Variants in CAB39 observed in about 807,000 individuals in gnomAD.
CAB39 encodes the protein calcium-binding protein 39.
In CAB39, 8 loss-of-function variants were observed where a neutral mutation model predicts 40.0. The ratio of observed to expected loss-of-function variants is 0.20; its 90% CI spans 0.12 to 0.36. CAB39 has a LOEUF of 0.36. Ranked by LOEUF, CAB39 falls within the 10% of genes least tolerant of loss-of-function variation. The probability of loss-of-function intolerance (pLI) is 1.00; values close to 1 mark genes in which losing one functional copy is unlikely to be tolerated. For missense variants in CAB39, 270 were observed against 401.1 expected (o/e 0.67, Z 2.79); for synonymous variants, 156 against 141.6 (o/e 1.10, Z -0.72).
intron 1 of CAB39, among the ~76,000 whole-genome samples, chr2:230,744,097 T>A (rs1694930886): frequency 6.6e-6 from 1 of 151,902 alleles, no homozygotes; most frequent in South Asian, 2.1e-4. Context: ...TTTTTTAAAT[T>A]TTTAGTAGAA....
chr2:230,738,689 A>G (rs979256248), intron 1 of CAB39, among the ~76,000 whole-genome samples: 1 of 152,232 alleles, frequency 6.6e-6, no homozygotes, highest in Admixed American at 6.5e-5. Flanking sequence ...CAGTTTAAAA[A>G]GAAACCTTCC....
At chr2:230,765,995 A>T (rs1000164277) in intron 2 of CAB39, among the ~76,000 whole-genome samples, 3 of 152,218 alleles carry the variant, frequency 2.0e-5, no homozygotes, top group African/African-American at 7.2e-5. Context: ...CAAATTACTT[A>T]TGCTGAAATA....
At chr2:230,739,685 G>C (rs1009281317) in intron 1 of CAB39, among the ~76,000 whole-genome samples, 3 of 152,136 alleles carry the variant, frequency 2.0e-5, no homozygotes, top group Admixed American at 6.5e-5. Context: ...GTAGAGACGG[G>C]GTTTCTGCAT....
rs1696468610 is a variant in CAB39 at position 230,819,505 on chromosome 2, A to C, written c.*801A>C. The C allele has an allele frequency of 6.6e-6, 1 of 152,666 alleles. No individual in the cohort carries two copies. Among genetic ancestry groups the C allele is most frequent in the Non-Finnish European group, 1.5e-5 (1 of 68,038 alleles). 9.5% of individuals were successfully genotyped at this position (152,666 alleles called of 1,614,324 possible). ...AATTCTTAGAATGCTCATTTCTTTTAAATGGTTTAATTTGTACAGCAGAGG... is the reference window on the plus strand; with the variant it reads ...AATTCTTAGAATGCTCATTTCTTTTCAATGGTTTAATTTGTACAGCAGAGG... On this transcript the variant is annotated 3_prime_UTR_variant, in exon 9 of 9. Transcript: ENST00000258418.
At position 230,819,324 on chromosome 2, in the gene CAB39, G is replaced by T. The variant is rs1374017476; in HGVS notation, c.*620G>T. 3.3e-5 allele frequency: 5 copies of T among 152,628 alleles called. No homozygotes were observed. The highest frequency in any genetic ancestry group is 7.4e-5 in the Non-Finnish European group (5 of 68,026). 9.5% of individuals were successfully genotyped at this position (152,628 alleles called of 1,614,324 possible). A position where few individuals can be genotyped will look rare whatever the true frequency, so the allele number is the denominator to read the frequency against. On this transcript the variant is annotated 3_prime_UTR_variant, in exon 9 of 9. Coordinates refer to ENST00000258418, the MANE Select transcript of CAB39 (RefSeq NM_016289.4). ...TATATATGCTTTTCACAGCTTTCTA[G>T]AATTTTTTGACATTTGATTTTCTTG...
chr2:230,762,592 G>T (rs1443153050), intron 2 of CAB39, among the ~76,000 whole-genome samples: 2 of 152,216 alleles, frequency 1.3e-5, no homozygotes, highest in African/African-American at 2.4e-5. Flanking sequence ...GCCCTCAGTG[G>T]CTATTCCTTA....
intron 2 of CAB39, among the ~76,000 whole-genome samples, chr2:230,781,390 C>G (rs563883075): frequency 8.5e-5 from 13 of 152,216 alleles, no homozygotes; most frequent in Admixed American, 3.3e-4. Context: ...GCTTTGAAGT[C>G]GAATGACATG....
intron 2 of CAB39, among the ~76,000 whole-genome samples, chr2:230,774,983 T>A (rs149138333): frequency 2.6e-3 from 402 of 152,348 alleles, no homozygotes; most frequent in Admixed American, 4.7e-3. Context: ...TTAGATTCCA[T>A]TTCACATCTT....
intron 2 of CAB39, among the ~76,000 whole-genome samples, chr2:230,762,388 C>T (rs557160835): frequency 2.3e-4 from 35 of 152,310 alleles, no homozygotes; most frequent in Admixed American, 2.2e-3. Flanking sequence ...TAGCACATAA[C>T]TTGACCTCCC....
chr2:230,749,705 T>C (rs776873804), intron 1 of CAB39, among the ~76,000 whole-genome samples: 1 of 152,208 alleles, frequency 6.6e-6, no homozygotes, highest in Non-Finnish European at 1.5e-5. Flanking sequence ...TTCTATTTGC[T>C]GAGAATTCTG....
intron 1 of CAB39, chr2:230,725,336 A>C (rs1454690912): frequency 6.3e-7 from 1 of 1,580,880 alleles, no homozygotes; most frequent in Non-Finnish European, 8.7e-7. Context: ...AATCCCAGCC[A>C]GGCTCCCCAC....
chr2:230,812,557 G>T (rs1559619462), intron 6 of CAB39, among the ~76,000 whole-genome samples: 4 of 152,220 alleles, frequency 2.6e-5, no homozygotes, highest in Admixed American at 2.6e-4. Flanking sequence ...ATAAGAACTT[G>T]AGATGTATAT....
chr2:230,750,842 C>T (rs1405994602), intron 1 of CAB39, among the ~76,000 whole-genome samples: 2 of 152,130 alleles, frequency 1.3e-5, no homozygotes, highest in African/African-American at 4.8e-5. Flanking sequence ...TATTGCTTTT[C>T]CCATTTTAGA....
At chr2:230,713,606 C>T (rs1053686698) in intron 1 of CAB39, 1 of 152,330 alleles carries the variant, frequency 6.6e-6, no homozygotes, top group African/African-American at 2.4e-5. Flanking sequence ...ACCCGGGCTT[C>T]AGCGCCTCGC....
At chr2:230,740,878 A>G (rs546638242) in intron 1 of CAB39, among the ~76,000 whole-genome samples, 1 of 152,240 alleles carries the variant, frequency 6.6e-6, no homozygotes, top group Non-Finnish European at 1.5e-5. Context: ...CAACATGTAC[A>G]AAAGACTTGG....
intron 5 of CAB39, among the ~76,000 whole-genome samples, chr2:230,799,614 C>T (rs748816200): frequency 1.3e-5 from 2 of 152,216 alleles, no homozygotes; most frequent in Non-Finnish European, 2.9e-5. Context: ...GAGTCTTTTA[C>T]AATGAGAGCA....
At chr2:230,784,649 G>A (rs1244122503) in intron 2 of CAB39, among the ~76,000 whole-genome samples, 1 of 152,190 alleles carries the variant, frequency 6.6e-6, no homozygotes, top group Non-Finnish European at 1.5e-5. Flanking sequence ...GGTTTTCAGA[G>A]GCGGGTGTAA....
intron 1 of CAB39, among the ~76,000 whole-genome samples, chr2:230,734,844 G>A (rs756017518): frequency 1.2e-4 from 19 of 152,146 alleles, no homozygotes; most frequent in Non-Finnish European, 1.9e-4. Context: ...CTCAACTGTG[G>A]AGGGAGGAAC....
chr2:230,755,016 A>G (rs1695165509), intron 1 of CAB39, among the ~76,000 whole-genome samples: 1 of 152,162 alleles, frequency 6.6e-6, no homozygotes, highest in Admixed American at 6.5e-5. Context: ...AATGCTGTTC[A>G]TTCCTTTTTA....
Sources: allele counts gnomAD v4.1 joint callset (sites outside exome capture counted in the v4.1 genomes callset), GRCh38; gene constraint gnomAD v4.1.1; transcripts MANE v1.5; gene names NCBI Gene and HGNC (gene_info 2026-07-23, HGNC 2026-07-21).